Variants in SLC24A4 observed in about 807,000 individuals in gnomAD.
SLC24A4 encodes sodium/potassium/calcium exchanger 4.
Under a neutral mutation model 79.0 loss-of-function variants are expected in SLC24A4, and 53 were observed. The ratio of observed to expected loss-of-function variants is 0.67; its 90% CI spans 0.54 to 0.84. The LOEUF (loss-of-function observed/expected upper bound fraction) is 0.84. SLC24A4 is among the 40% of genes least tolerant of loss of function. The pLI is 0.00. For synonymous variants in SLC24A4, 323 were observed against 323.8 expected (o/e 1.00, Z 0.03); for missense variants, 731 against 822.0 (o/e 0.89, Z 1.35).
chr14:92,347,241 A>C (rs1886591867), intron 2 of SLC24A4, among the ~76,000 whole-genome samples: 1 of 152,200 alleles, frequency 6.6e-6, no homozygotes, highest in South Asian at 2.1e-4. Flanking sequence ...TCTTGATCCC[A>C]TTCAGTGTCC....
intron 12 of SLC24A4, among the ~76,000 whole-genome samples, chr14:92,464,039 C>T (rs564242520): frequency 6.6e-6 from 1 of 152,302 alleles, no homozygotes; most frequent in South Asian, 2.1e-4. Context: ...ACATTTTATC[C>T]ATTCATCAGT....
intron 4 of SLC24A4, among the ~76,000 whole-genome samples, chr14:92,439,704 T>A (rs1468167925): frequency 6.6e-6 from 1 of 152,196 alleles, no homozygotes; most frequent in Non-Finnish European, 1.5e-5. Flanking sequence ...CCTGGCTAAG[T>A]ACAAAGCCCA....
In SLC24A4 at chr14:92,459,157, C is replaced by T. The variant is rs147604553; in HGVS notation, c.1255+2549C>T. Among the ~76,000 whole-genome samples the T allele has an allele frequency of 4.0e-3, 610 of 152,284 alleles. 5 individuals carry two copies. The highest frequency in any genetic ancestry group is 0.014 in the African/African-American group (575 of 41,548). On this transcript the variant is annotated intron_variant, in intron 12 of 16. Transcript: ENST00000532405. ...AAGGGATGTGCCCGTTTTGGTCATCCTTACCTAAGCAAGTCAGCCATAGGT... is the reference window on the plus strand; with the variant it reads ...AAGGGATGTGCCCGTTTTGGTCATCTTTACCTAAGCAAGTCAGCCATAGGT...
At chr14:92,372,573 ACT>A (rs1474932810) in intron 2 of SLC24A4, among the ~76,000 whole-genome samples, 1 of 151,982 alleles carries the variant, frequency 6.6e-6, no homozygotes, top group Non-Finnish European at 1.5e-5. Flanking sequence ...CACATACCTG[ACT>A]CTCTCAGGGA....
chr14:92,346,393 C>T (rs1330897852), intron 2 of SLC24A4, among the ~76,000 whole-genome samples: 1 of 152,176 alleles, frequency 6.6e-6, no homozygotes, highest in Non-Finnish European at 1.5e-5. Context: ...CATGAGGTCA[C>T]CTGTCCTCAG....
At chr14:92,465,940 C>G (rs982716550) in intron 12 of SLC24A4, among the ~76,000 whole-genome samples, 6 of 152,322 alleles carry the variant, frequency 3.9e-5, no homozygotes, top group Middle Eastern at 3.4e-3. Flanking sequence ...TCTTCCTCTT[C>G]CCCACAAACC....
At chr14:92,336,787 G>A (rs1049950323) in intron 2 of SLC24A4, among the ~76,000 whole-genome samples, 1 of 151,876 alleles carries the variant, frequency 6.6e-6, no homozygotes, top group Admixed American at 6.6e-5. Context: ...CAGGGCAAGA[G>A]TGCCCTCCCT....
At chr14:92,443,357 G>A (rs772641242) in intron 6 of SLC24A4, 43 bp from the exon 7 acceptor site, 22 of 1,605,874 alleles carry the variant, frequency 1.4e-5, no homozygotes, top group African/African-American at 9.4e-5. Context: ...CCCCCTCCCC[G>A]CTTCTGCGCT....
chr14:92,384,557 G>A (rs938577467), intron 2 of SLC24A4, among the ~76,000 whole-genome samples: 1 of 152,020 alleles, frequency 6.6e-6, no homozygotes, highest in African/African-American at 2.4e-5. Flanking sequence ...ATATACATTC[G>A]GTGTAGGGAC....
In SLC24A4 at chr14:92,398,013, C is replaced by T. The variant is rs757570892; in HGVS notation, c.242-35899C>T. On this transcript the variant is annotated intron_variant, in intron 2 of 16. Coordinates refer to ENST00000532405, the MANE Select transcript of SLC24A4 (RefSeq NM_153646.4). This position sits in a 1 kb window ranked among gnomAD's most constrained non-coding sequence, Gnocchi z 4.1. ...CCACGCAACCAATAACGAGACTCTC[C>T]CCTATGCCAGGCCCTGCGCACATGT... Among the ~76,000 whole-genome samples, 1 of 152,204 alleles carries T rather than the reference C, an allele frequency of 6.6e-6. No homozygotes were observed. The highest frequency in any genetic ancestry group is 2.4e-5 in the African/African-American group (1 of 41,450).
In SLC24A4 at chr14:92,496,362, C is replaced by G. The variant is rs1364160510; in HGVS notation, c.*2734C>G. On this transcript the variant is annotated 3_prime_UTR_variant, in exon 17 of 17. Transcript: ENST00000532405. ...TTTCATTTTTAAATTACGCTTTCAT[C>G]ACTACGCAGGATTACTTTATTTTAT... The G allele has an allele frequency of 1.3e-5, 2 of 152,272 alleles. No individual in the cohort carries two copies. Among genetic ancestry groups the G allele is most frequent in the Non-Finnish European group, 2.9e-5 (2 of 68,038 alleles). 9.4% of individuals were successfully genotyped at this position (152,272 alleles called of 1,614,324 possible).
chr14:92,360,193 A>G (rs1887425223), intron 2 of SLC24A4, among the ~76,000 whole-genome samples: 1 of 152,266 alleles, frequency 6.6e-6, no homozygotes, highest in Non-Finnish European at 1.5e-5. Flanking sequence ...AAGTGCTGAG[A>G]TTACAGGCAT....
intron 12 of SLC24A4, among the ~76,000 whole-genome samples, chr14:92,480,286 C>CATTTTTT (rs1894983668): frequency 3.2e-5 from 2 of 63,090 alleles, no homozygotes; most frequent in Admixed American, 5.8e-4. Flanking sequence ...AGATCTTTCC[C>CATTTTTT]TTTTTTTTTT....
At chr14:92,482,892 A>AGGTG in intron 13 of SLC24A4, 46 bp downstream of exon 13, 1 of 1,563,256 alleles carries the variant, frequency 6.4e-7, no homozygotes. Context: ...AGCCAGGGAG[A>AGGTG]GGTGGAGAGC....
At chr14:92,395,956 G>T (rs1388569338) in intron 2 of SLC24A4, among the ~76,000 whole-genome samples, 1 of 152,190 alleles carries the variant, frequency 6.6e-6, no homozygotes, top group Non-Finnish European at 1.5e-5. Context: ...CTCCCGAGTA[G>T]CTGGGATTAT....
intron 2 of SLC24A4, among the ~76,000 whole-genome samples, chr14:92,401,708 C>T (rs2141764647): frequency 6.6e-6 from 1 of 152,272 alleles, no homozygotes. Flanking sequence ...GGCGAGTTAT[C>T]TAACCTCTCT....
chr14:92,351,204 C>A (rs1886840323), intron 2 of SLC24A4, among the ~76,000 whole-genome samples: 1 of 142,140 alleles, frequency 7.0e-6, no homozygotes, highest in African/African-American at 2.5e-5. Flanking sequence ...CTGAAATCTC[C>A]CTCTCTCTCT....
chr14:92,445,212 C>G (rs1892730903), intron 7 of SLC24A4, 105 bp from the exon 8 acceptor site: 1 of 1,224,726 alleles, frequency 8.2e-7, no homozygotes, highest in African/African-American at 1.5e-5. Flanking sequence ...ACACATATAA[C>G]AAGGCCAGTA....
Position 92,493,804 on chromosome 14 carries a change from C to A in SLC24A4, c.*176C>A. 1 of 723,002 alleles carries A rather than the reference C, an allele frequency of 1.4e-6. No individual in the cohort carries two copies. Among genetic ancestry groups the A allele is most frequent in the East Asian group, 2.8e-5 (1 of 36,334 alleles). The allele number at this position is 723,002 out of a possible 1,614,324, so 44.8% of individuals were successfully genotyped here. On this transcript the variant is annotated 3_prime_UTR_variant, in exon 17 of 17. Coordinates refer to ENST00000532405, the MANE Select transcript of SLC24A4 (RefSeq NM_153646.4). ...TCTGGCCACAGGCCAGGCTGCTGGGCATCCTCCTCCTCCTTGGAGTTCCGC... is the reference window on the plus strand; with the variant it reads ...TCTGGCCACAGGCCAGGCTGCTGGGAATCCTCCTCCTCCTTGGAGTTCCGC...
Sources: gnomAD v4.1 joint callset for allele counts (sites outside exome capture counted in the v4.1 genomes callset) on GRCh38, gnomAD v4.1.1 for gene constraint, Gnocchi (gnomAD v3.1) non-coding constraint, MANE v1.5 for transcripts, NCBI Gene and HGNC (gene_info 2026-07-23, HGNC 2026-07-21) for gene names.